SVOPL: variants seen among roughly 807,000 people sequenced by gnomAD.
The protein encoded by SVOPL is putative transporter SVOPL.
In SVOPL, 60 loss-of-function variants were observed where a neutral mutation model predicts 61.0. The ratio of observed to expected loss-of-function variants is 0.98; its 90% confidence interval spans 0.80 to 1.22. The LOEUF (loss-of-function observed/expected upper bound fraction) is 1.22, where lower values mean the gene tolerates loss of function less well. Among genes scored for constraint, SVOPL ranks in the 50% most tolerant of loss-of-function variants. SVOPL has a pLI of 0.00. For synonymous variants in SVOPL, 279 were observed against 250.0 expected (o/e 1.12, Z -1.09); for missense variants, 662 against 643.9 (o/e 1.03, Z -0.30).
chr7:138,630,705 G>A (rs1371184516), intron 9 of SVOPL, among the ~76,000 whole-genome samples: 1 of 152,160 alleles, frequency 6.6e-6, no homozygotes, highest in Non-Finnish European at 1.5e-5. Context: ...CACTTTGGGA[G>A]GCCGAGGTGG....
At chr7:138,651,909 T>C (rs1427862621) in intron 7 of SVOPL, among the ~76,000 whole-genome samples, 1 of 152,144 alleles carries the variant, frequency 6.6e-6, no homozygotes, top group Non-Finnish European at 1.5e-5. Context: ...GCATCTTTCT[T>C]TCTTTACCGA....
chr7:138,619,370 C>A (rs1273614476), intron 14 of SVOPL, among the ~76,000 whole-genome samples: 3 of 151,772 alleles, frequency 2.0e-5, no homozygotes, highest in Non-Finnish European at 4.4e-5. Context: ...GACTGTACCC[C>A]AGCCTGGGCG....
chr7:138,700,927 C>T (rs1803182314), intron 1 of SVOPL, among the ~76,000 whole-genome samples: 1 of 152,164 alleles, frequency 6.6e-6, no homozygotes, highest in African/African-American at 2.4e-5. Context: ...TTCTAAAGGA[C>T]TGATTGACAT....
chr7:138,647,149 G>C (rs1217858724), intron 8 of SVOPL, among the ~76,000 whole-genome samples: 1 of 152,204 alleles, frequency 6.6e-6, no homozygotes, highest in South Asian at 2.1e-4. Flanking sequence ...GCCGAGGTGG[G>C]CAGATCACGA....
At chr7:138,688,199 A>G (rs1802862169) in intron 1 of SVOPL, among the ~76,000 whole-genome samples, 1 of 152,160 alleles carries the variant, frequency 6.6e-6, no homozygotes, top group Non-Finnish European at 1.5e-5. Flanking sequence ...ACTCAACATC[A>G]TTGGTCATTC....
Position 138,663,116 on chromosome 7 carries a change from A to G in SVOPL, c.303T>C (p.Ser101=). 3 of 1,614,170 alleles carry G rather than the reference A, an allele frequency of 1.9e-6. No individual in the cohort carries two copies. The highest frequency in any genetic ancestry group is 2.5e-6 in the Non-Finnish European group (3 of 1,180,036). ...TGTCAGCCAGGAGGCCAAAGAGGAT[A>G]CTGAAAACCATGTAGCCAAAAAACA... ...TMVFFGYMVF[S]ILFGLLADRY... The change falls in exon 5 of 16, where the codon AGT becomes AGC. Residue 101 remains serine, a synonymous_variant. Transcript: ENST00000674285.
At chr7:138,616,665 T>C (rs1420284966) in intron 14 of SVOPL, among the ~76,000 whole-genome samples, 3 of 152,114 alleles carry the variant, frequency 2.0e-5, no homozygotes, top group African/African-American at 4.8e-5. Context: ...TGTTGCAAAA[T>C]TTTCCTTTAT....
chr7:138,642,618 G>A (rs117139450), intron 9 of SVOPL, among the ~76,000 whole-genome samples: 2 of 151,470 alleles, frequency 1.3e-5, no homozygotes, highest in Non-Finnish European at 2.9e-5. Flanking sequence ...CTTGAGCTCG[G>A]GAGTTCAAGA....
intron 7 of SVOPL, among the ~76,000 whole-genome samples, chr7:138,654,246 G>A (rs1161338526): frequency 2.0e-5 from 3 of 152,050 alleles, no homozygotes; most frequent in Non-Finnish European, 4.4e-5. Context: ...TTAATTGACT[G>A]TACATTTCAA....
chr7:138,638,142 C>T (rs1457484965), intron 9 of SVOPL, among the ~76,000 whole-genome samples: 3 of 150,172 alleles, frequency 2.0e-5, no homozygotes, highest in African/African-American at 7.3e-5. Flanking sequence ...GTGTGGTGGC[C>T]CTTGCCTGTA....
rs530440466 is a variant in SVOPL, at chr7:138,597,223, G to A, written c.1354-693C>T. 9 of 1,289,394 alleles carry A rather than the reference G, an allele frequency of 7.0e-6. No homozygotes were observed. In the East Asian group the frequency reaches 5.0e-4, roughly 72 times the overall value. The allele number at this position is 1,289,394 out of a possible 1,614,324, so 79.9% of individuals were successfully genotyped here. On this transcript the variant is annotated intron_variant, in intron 14 of 15. Transcript: ENST00000674285. Reference sequence around the variant, plus strand: ...TAATCTCACAACGACAGTAAAGTATGAAGTGGTTAACCAACAGCAAAGCTC... The same window carrying A: ...TAATCTCACAACGACAGTAAAGTATAAAGTGGTTAACCAACAGCAAAGCTC...
intron 5 of SVOPL, chr7:138,662,778 C>T: frequency 8.4e-7 from 1 of 1,191,624 alleles, no homozygotes. Flanking sequence ...CAAATAGAGC[C>T]ACTTAGCGGC....
At chr7:138,612,610 G>A (rs1799104306) in intron 14 of SVOPL, among the ~76,000 whole-genome samples, 1 of 151,374 alleles carries the variant, frequency 6.6e-6, no homozygotes. Flanking sequence ...CGCCTCCCAG[G>A]TTCTAAGGGA....
intron 3 of SVOPL, among the ~76,000 whole-genome samples, chr7:138,675,974 G>C (rs567038906): frequency 6.6e-6 from 1 of 152,278 alleles, no homozygotes; most frequent in Non-Finnish European, 1.5e-5. Flanking sequence ...AAGTAGCTGG[G>C]ATTACAGACA....
intron 4 of SVOPL, chr7:138,663,355 TC>T: frequency 7.1e-7 from 1 of 1,415,240 alleles, no homozygotes; most frequent in Non-Finnish European, 9.2e-7. Flanking sequence ...ACAAGGCAGA[TC>T]CTGCCCCAGG....
intron 14 of SVOPL, among the ~76,000 whole-genome samples, chr7:138,619,201 A>G (rs1171901780): frequency 1.3e-5 from 2 of 152,120 alleles, no homozygotes; most frequent in Non-Finnish European, 2.9e-5. Context: ...TAAACCCAGA[A>G]GTTGGAGGCC....
chr7:138,678,247 T>G (rs1198146816), intron 3 of SVOPL, among the ~76,000 whole-genome samples, 187 bp downstream of exon 3: 1 of 152,106 alleles, frequency 6.6e-6, no homozygotes, highest in Non-Finnish European at 1.5e-5. Context: ...AATGTATTTC[T>G]TAAATGTATT....
chr7:138,689,877 G>T (rs1802903337), intron 1 of SVOPL, among the ~76,000 whole-genome samples: 1 of 138,454 alleles, frequency 7.2e-6, no homozygotes, highest in Non-Finnish European at 1.5e-5. Context: ...AAAAAAAGAT[G>T]AAATTATACT....
chr7:138,610,661 G>A (rs935422315), intron 14 of SVOPL, among the ~76,000 whole-genome samples: 5 of 152,316 alleles, frequency 3.3e-5, no homozygotes, highest in African/African-American at 4.8e-5. Context: ...CAGCTCCTAT[G>A]AGCCCTCTTC....
Sources: allele counts gnomAD v4.1 joint callset (sites outside exome capture counted in the v4.1 genomes callset), GRCh38; gene constraint gnomAD v4.1.1; transcripts MANE v1.5; gene names NCBI Gene and HGNC (gene_info 2026-07-23, HGNC 2026-07-21).